Variants in TIAM2 observed in about 807,000 individuals in gnomAD.
The protein encoded by TIAM2 is TIAM Rac1 associated GEF 2, also known as rho guanine nucleotide exchange factor TIAM2.
TIAM2 carries 80 observed loss-of-function variants against 152.9 expected under a neutral mutation model. The observed-to-expected ratio is 0.52, with a 90% CI of 0.44 to 0.63. The LOEUF (loss-of-function observed/expected upper bound fraction) is 0.63. Among genes scored for constraint, TIAM2 ranks in the 30% least tolerant of loss-of-function variants. The pLI is 0.00. For missense variants in TIAM2, 1,965 were observed against 2,120.1 expected (o/e 0.93, Z 1.44); for synonymous variants, 804 against 838.0 (o/e 0.96, Z 0.70).
chr6:155,227,482 C>T (rs1348597448), intron 15 of TIAM2, among the ~76,000 whole-genome samples: 7 of 152,196 alleles, frequency 4.6e-5, no homozygotes, highest in African/African-American at 1.2e-4. Context: ...GACTGTACCA[C>T]GGATCGCGCC....
chr6:155,059,567 C>G (rs75839186), intron 1 of TIAM2, among the ~76,000 whole-genome samples: 2 of 152,086 alleles, frequency 1.3e-5, no homozygotes, highest in African/African-American at 4.8e-5. Context: ...CCACCCAGCC[C>G]GGCCTCCCAA....
At chr6:155,073,519 T>C (rs1323448597) in intron 1 of TIAM2, among the ~76,000 whole-genome samples, 2 of 152,216 alleles carry the variant, frequency 1.3e-5, no homozygotes, top group Non-Finnish European at 1.5e-5. Flanking sequence ...TCCTACTTTA[T>C]ATAATTGTGA....
rs1783683933 is a variant in TIAM2, at chr6:155,251,934, CCTTT to C, written c.4061-6_4061-3del. 1.9e-6 allele frequency: 3 copies of C among 1,595,510 alleles called. No homozygotes were observed. The highest frequency in any genetic ancestry group is 2.6e-6 in the Non-Finnish European group (3 of 1,169,172). On this transcript the variant is annotated splice_polypyrimidine_tract_variant and splice_region_variant and intron_variant, in intron 22 of 26. Transcript: ENST00000682666. The stretch of plus-strand genomic sequence containing the variant: ...AAAATAAAGACTTTCTTTCTCTTTT[CCTTT>C]CTTTAGTTTTTAAGAGAGCCGTCAT...
chr6:155,222,301 C>T (rs533844868), intron 15 of TIAM2, among the ~76,000 whole-genome samples: 8 of 123,476 alleles, frequency 6.5e-5, no homozygotes, highest in South Asian at 6.1e-4. Flanking sequence ...GGGGTACACT[C>T]GGAGTAAGAA....
At chr6:155,063,781 C>CAAAA (rs56808026) in intron 1 of TIAM2, among the ~76,000 whole-genome samples, 6,920 of 90,572 alleles carry the variant, frequency 0.076, 486 homozygotes, top group East Asian at 0.22. Context: ...GACTCTGTCT[C>CAAAA]AAAAAAAAAA....
rs1373345534 is a variant in TIAM2, at chr6:155,164,144, TTC to T, written c.2029-269_2029-268del. 1.4e-4 allele frequency among the ~76,000 whole-genome samples: 20 copies of T among 138,534 alleles called. 2 individuals are homozygous for T. The highest frequency in any genetic ancestry group is 2.8e-4 in the Non-Finnish European group (18 of 63,622). 90.9% of individuals were successfully genotyped at this position (138,534 alleles called of 152,430 possible). A position where few individuals can be genotyped will look rare whatever the true frequency, so the allele number is the denominator to read the frequency against. ...CAGCTAATTTTTGTGTTTTTTTTTT[TTC>T]TTTTTTTTAGTAGAGATGGAGTTTC... On this transcript the variant is annotated intron_variant, in intron 7 of 26. Coordinates refer to ENST00000682666, the MANE Select transcript of TIAM2 (RefSeq NM_012454.4).
At chr6:155,190,717 T>A (rs919466308) in intron 14 of TIAM2, among the ~76,000 whole-genome samples, 1 of 152,128 alleles carries the variant, frequency 6.6e-6, no homozygotes, top group Non-Finnish European at 1.5e-5. Context: ...CATTTGAGAG[T>A]TTGGGATGCC....
At chr6:155,246,765 AAAG>A (rs1275240965) in intron 19 of TIAM2, among the ~76,000 whole-genome samples, 1 of 152,342 alleles carries the variant, frequency 6.6e-6, no homozygotes, top group South Asian at 2.1e-4. Flanking sequence ...CCTTTGTCAT[AAAG>A]AAGAGGGGTC....
chr6:155,120,596 T>C (rs6913713), intron 2 of TIAM2, among the ~76,000 whole-genome samples: 6,960 of 152,266 alleles, frequency 0.046, 516 homozygotes, highest in African/African-American at 0.16. Flanking sequence ...TAGAGGTGAA[T>C]GCTTTTGTTT....
At position 154,997,764 on chromosome 6, in the gene TIAM2, C is replaced by T. The variant is rs191955817; in HGVS notation, c.-209+2272C>T. 1.0e-4 allele frequency among the ~76,000 whole-genome samples: 15 copies of T among 147,358 alleles called. 1 individual carries two copies. The highest frequency in any genetic ancestry group is 2.0e-4 in the African/African-American group (8 of 39,946). The stretch of plus-strand genomic sequence containing the variant: ...CAATTGATCTTCCTTCTCTGCCTTC[C>T]AAGTAGCTGGACTACAGACGCGTGC... On this transcript the variant is annotated intron_variant, in intron 1 of 26. Transcript: ENST00000682666.
At chr6:155,029,502 TATA>T (rs1776767324) in intron 1 of TIAM2, among the ~76,000 whole-genome samples, 3 of 16,174 alleles carry the variant, frequency 1.9e-4, no homozygotes, top group African/African-American at 7.5e-4. Flanking sequence ...ATATATTATA[TATA>T]ATATATACTA....
At chr6:155,196,026 G>T (rs538605886) in intron 14 of TIAM2, among the ~76,000 whole-genome samples, 1 of 152,324 alleles carries the variant, frequency 6.6e-6, no homozygotes. Context: ...GTAGTGACAT[G>T]ATCTGACGAG....
intron 7 of TIAM2, among the ~76,000 whole-genome samples, chr6:155,161,146 G>C (rs551862764): frequency 6.6e-6 from 1 of 152,088 alleles, no homozygotes; most frequent in African/African-American, 2.4e-5. Context: ...AAGTGTTTCT[G>C]ATAAAACTTT....
chr6:155,062,514 T>C (rs2114940330), intron 1 of TIAM2, among the ~76,000 whole-genome samples: 1 of 152,188 alleles, frequency 6.6e-6, no homozygotes, highest in South Asian at 2.1e-4. Flanking sequence ...TTTATTATTT[T>C]TGTTTTATCA....
intron 15 of TIAM2, among the ~76,000 whole-genome samples, chr6:155,212,789 G>C: frequency 6.6e-6 from 1 of 152,160 alleles, no homozygotes; most frequent in Non-Finnish European, 1.5e-5. Flanking sequence ...GGGTGTGTCA[G>C]TGAGCGCAGT....
At chr6:155,083,860 C>T (rs987214130) in intron 1 of TIAM2, among the ~76,000 whole-genome samples, 5 of 152,174 alleles carry the variant, frequency 3.3e-5, no homozygotes, top group Non-Finnish European at 5.9e-5. Flanking sequence ...AGATGACATA[C>T]GAAACCAGAT....
chr6:155,165,310 G>A lies in TIAM2; in HGVS notation c.2262G>A (p.Leu754=), dbSNP rs1228064675. 6.2e-7 allele frequency: 1 copy of A among 1,614,106 alleles called. No homozygotes were observed. The highest frequency in any genetic ancestry group is 1.7e-5 in the Admixed American group (1 of 60,026). The change falls in exon 9 of 27, where the codon CTG becomes CTA. Residue 754 remains leucine (L), a synonymous_variant. Transcript: ENST00000682666. ...DSALRKRTLS[L]TQRGRNKKGI... The stretch of plus-strand genomic sequence containing the variant: ...CTCTCCGGAAAAGGACACTGTCACT[G>A]ACCCAGCGAGGGAGAAACAAGAAGG...
Position 155,167,314 on chromosome 6 carries a change from T to C in TIAM2, c.2361+1905T>C, listed in dbSNP as rs145280301. 7.2e-3 allele frequency among the ~76,000 whole-genome samples: 1,093 copies of C among 152,220 alleles called. 15 individuals carry two copies. The highest frequency in any genetic ancestry group is 0.025 in the African/African-American group (1,041 of 41,524). The stretch of plus-strand genomic sequence containing the variant: ...TTGGCTCACTGCAACCTCCACATCC[T>C]GGGTTCAAGCAATTCTCGTGCCTCA... On this transcript the variant is annotated intron_variant, in intron 9 of 26. Coordinates refer to ENST00000682666, the MANE Select transcript of TIAM2 (RefSeq NM_012454.4).
intron 5 of TIAM2, among the ~76,000 whole-genome samples, chr6:155,140,055 T>A (rs888312541): frequency 1.3e-5 from 2 of 152,240 alleles, no homozygotes; most frequent in African/African-American, 4.8e-5. Context: ...GTAAATGTGA[T>A]TTCAAAGAGC....
Sources: gnomAD v4.1 joint callset for allele counts (sites outside exome capture counted in the v4.1 genomes callset) on GRCh38, gnomAD v4.1.1 for gene constraint, MANE v1.5 for transcripts, NCBI Gene and HGNC (gene_info 2026-07-23, HGNC 2026-07-21) for gene names.